RASGRF2: variants seen among roughly 807,000 people sequenced by gnomAD.
The protein encoded by RASGRF2 is Ras protein specific guanine nucleotide releasing factor 2.
A neutral mutation model predicts 151.0 loss-of-function variants in RASGRF2; 76 were observed. The observed-to-expected ratio is 0.50, with a 90% CI of 0.42 to 0.61. RASGRF2 has a LOEUF of 0.61. RASGRF2 is among the 20% of genes least tolerant of loss of function. The pLI is 0.00. For missense variants in RASGRF2, 1,148 were observed against 1,564.6 expected, an observed-to-expected ratio of 0.73 and a Z score of 4.49; for synonymous variants, 504 against 566.5, an observed-to-expected ratio of 0.89 and a Z score of 1.57.
chr5:80,991,829 G>T (rs1748660832), intron 1 of RASGRF2, among the ~76,000 whole-genome samples: 1 of 152,156 alleles, frequency 6.6e-6, no homozygotes. Context: ...TAAACCCTTT[G>T]CCAGGGACAG....
In RASGRF2 at chr5:81,073,326, C is replaced by T; in HGVS notation, c.761C>T (p.Ala254Val). 1 of 1,614,138 alleles carries T rather than the reference C, an allele frequency of 6.2e-7. No homozygotes were observed. Among genetic ancestry groups the T allele is most frequent in the Non-Finnish European group, 8.5e-7 (1 of 1,180,008 alleles). The change falls in exon 5 of 27, where the codon GCA (alanine) becomes GTA (valine). Residue 254 changes from alanine (A) to valine (V), a missense_variant. By Grantham distance (64) the Ala-to-Val change is moderately conservative. Around this residue, in one of 5 missense-constraint regions of RASGRF2, gnomAD observed 176 missense variants for 309.6 expected, o/e 0.57. Transcript: ENST00000265080. ...RNQIVFTMVE[A>V]ESEYVHQLYI... is the part of the protein sequence containing the mutation. ...CAGATTGTGTTCACCATGGTGGAGG[C>T]AGAGTCAGAGTACGTTCACCAGCTC...
intron 1 of RASGRF2, among the ~76,000 whole-genome samples, chr5:81,006,591 C>T (rs1749276706): frequency 6.6e-6 from 1 of 152,176 alleles, no homozygotes; most frequent in Non-Finnish European, 1.5e-5. Flanking sequence ...TAGAAGCCAT[C>T]AAAATGCTTA....
At chr5:81,056,794 T>G (rs1751230637) in intron 2 of RASGRF2, among the ~76,000 whole-genome samples, 1 of 152,188 alleles carries the variant, frequency 6.6e-6, no homozygotes, top group African/African-American at 2.4e-5. Context: ...AGGAGTTGCT[T>G]TATGAATCTG....
chr5:81,011,435 G>A (rs939503355), intron 1 of RASGRF2, among the ~76,000 whole-genome samples: 3 of 152,096 alleles, frequency 2.0e-5, no homozygotes, highest in Non-Finnish European at 4.4e-5. Context: ...CTGAGTGAGT[G>A]TTTCACTAGA....
At position 81,201,355 on chromosome 5, in the gene RASGRF2, A is replaced by G. The variant is rs1358626039; in HGVS notation, c.2819A>G (p.Lys940Arg). The G allele has an allele frequency of 6.2e-7, 1 of 1,612,892 alleles. No individual in the cohort carries two copies. The highest frequency in any genetic ancestry group is 1.1e-5 in the South Asian group (1 of 90,936). ...AQDFELNNEL[K>R]MNVLNLLEEV... is the part of the protein sequence containing the mutation. ...GATTTCGAACTCAACAATGAACTAAAGATGAATGTCCTAAATTTGCTAGAA... is the reference window on the plus strand; with the variant it reads ...GATTTCGAACTCAACAATGAACTAAGGATGAATGTCCTAAATTTGCTAGAA... The change falls in exon 19 of 27, where the codon AAG becomes AGG. Residue 940 changes from lysine to arginine, a missense_variant. By Grantham distance (26) the Lys-to-Arg change is conservative. Coordinates refer to ENST00000265080, the MANE Select transcript of RASGRF2 (RefSeq NM_006909.3).
At chr5:81,084,338 A>T (rs1428680584) in intron 7 of RASGRF2, among the ~76,000 whole-genome samples, 1 of 152,332 alleles carries the variant, frequency 6.6e-6, no homozygotes, top group East Asian at 1.9e-4. Flanking sequence ...TCATGCAATT[A>T]TGCCAGCGAA....
intron 17 of RASGRF2, among the ~76,000 whole-genome samples, chr5:81,159,798 C>T (rs535051314): frequency 3.3e-5 from 5 of 152,254 alleles, no homozygotes; most frequent in Admixed American, 3.3e-4. Context: ...ATTTTCTACT[C>T]ATATTATTCT....
chr5:80,986,015 C>G (rs776097921), intron 1 of RASGRF2, among the ~76,000 whole-genome samples: 3 of 151,978 alleles, frequency 2.0e-5, no homozygotes, highest in African/African-American at 4.8e-5. Flanking sequence ...ACAGTTGAAA[C>G]TTCAAAAGGT....
chr5:81,147,914 C>G (rs1754042215), intron 17 of RASGRF2, among the ~76,000 whole-genome samples: 1 of 152,168 alleles, frequency 6.6e-6, no homozygotes, highest in South Asian at 2.1e-4. Context: ...TCTCTTAATT[C>G]CCGTAGATGT....
intron 18 of RASGRF2, among the ~76,000 whole-genome samples, chr5:81,185,106 G>A (rs1297293323): frequency 6.6e-6 from 1 of 152,216 alleles, no homozygotes; most frequent in Non-Finnish European, 1.5e-5. Flanking sequence ...AATCCTGCTA[G>A]CAATTGTGAT....
intron 1 of RASGRF2, among the ~76,000 whole-genome samples, chr5:81,002,646 AT>A (rs1749115708): frequency 6.6e-6 from 1 of 152,196 alleles, no homozygotes; most frequent in Admixed American, 6.5e-5. Flanking sequence ...AGATTTTTAA[AT>A]GTTTGTATTT....
At chr5:80,976,873 C>T (rs1394664222) in intron 1 of RASGRF2, among the ~76,000 whole-genome samples, 1 of 152,210 alleles carries the variant, frequency 6.6e-6, no homozygotes, top group Non-Finnish European at 1.5e-5. Flanking sequence ...AAGTTTCAAT[C>T]TCCCCAGGCC....
chr5:81,044,487 C>A (rs990729781), intron 2 of RASGRF2, among the ~76,000 whole-genome samples: 1 of 152,126 alleles, frequency 6.6e-6, no homozygotes, highest in Non-Finnish European at 1.5e-5. Flanking sequence ...ACCCTTGACG[C>A]TTTCTCTGAA....
intron 18 of RASGRF2, among the ~76,000 whole-genome samples, chr5:81,183,492 G>GT (rs2112681025): frequency 1.3e-5 from 2 of 152,206 alleles, no homozygotes; most frequent in Non-Finnish European, 2.9e-5. Flanking sequence ...GAGCCTTCTA[G>GT]TTTTTTCTTT....
intron 8 of RASGRF2, 78 bp downstream of exon 8, chr5:81,085,989 T>C: frequency 6.4e-7 from 1 of 1,572,430 alleles, no homozygotes; most frequent in Non-Finnish European, 8.6e-7. Flanking sequence ...CCTGTATATG[T>C]TCTAAGGAAC....
intron 3 of RASGRF2, 72 bp from the exon 4 acceptor site, chr5:81,070,420 C>A: frequency 7.8e-7 from 1 of 1,277,276 alleles, no homozygotes; most frequent in Non-Finnish European, 1.1e-6. Context: ...CCTTTGTAGG[C>A]AGAGCTTCCT....
chr5:81,061,271 T>G (rs527722141), intron 2 of RASGRF2, among the ~76,000 whole-genome samples: 1 of 152,290 alleles, frequency 6.6e-6, no homozygotes, highest in African/African-American at 2.4e-5. Flanking sequence ...TATCTCGTTG[T>G]GCAAGTGTCA....
At chr5:81,177,344 G>A (rs1460186648) in intron 17 of RASGRF2, among the ~76,000 whole-genome samples, 2 of 151,940 alleles carry the variant, frequency 1.3e-5, no homozygotes, top group Admixed American at 6.6e-5. Context: ...ACTGGTGGGT[G>A]GAAGATGCCT....
intron 17 of RASGRF2, among the ~76,000 whole-genome samples, chr5:81,139,318 T>C (rs1442606882): frequency 6.6e-6 from 1 of 152,118 alleles, no homozygotes; most frequent in Non-Finnish European, 1.5e-5. Flanking sequence ...ATTCTCTACA[T>C]ATAGAATCAT....
Sources: gnomAD v4.1 joint callset for allele counts (sites outside exome capture counted in the v4.1 genomes callset) on GRCh38, gnomAD v4.1.1 for gene constraint, gnomAD v4.1.1 regional missense constraint, MANE v1.5 for transcripts, NCBI Gene and HGNC (gene_info 2026-07-23, HGNC 2026-07-21) for gene names.